DIAPH2: variants seen among roughly 807,000 people sequenced by gnomAD.
The protein encoded by DIAPH2 is diaphanous related formin 2.
A neutral mutation model predicts 92.7 loss-of-function variants in DIAPH2; 35 were observed. The observed-to-expected ratio is 0.38, with a 90% confidence interval of 0.29 to 0.50. DIAPH2 has a LOEUF of 0.50. Ranked by LOEUF, DIAPH2 falls within the 20% of genes least tolerant of loss-of-function variation. The probability of loss-of-function intolerance (pLI) is 0.94; values close to 1 mark genes in which losing one functional copy is unlikely to be tolerated. For synonymous variants in DIAPH2, 301 were observed against 280.4 expected (o/e 1.07, Z -0.73); for missense variants, 701 against 819.5 (o/e 0.86, Z 1.77).
chrX:97,473,080 C>G (rs1208051163), intron 26 of DIAPH2, among the ~76,000 whole-genome samples: 1 of 112,102 alleles, frequency 8.9e-6, no homozygotes, highest in Non-Finnish European at 1.9e-5. Flanking sequence ...CTCCTCATGC[C>G]TTGACTCTTT....
intron 4 of DIAPH2, among the ~76,000 whole-genome samples, chrX:96,780,263 T>C (rs1000884531): frequency 5.4e-5 from 6 of 111,571 alleles, no homozygotes; most frequent in Non-Finnish European, 1.1e-4. Context: ...TATAAATCAA[T>C]CCCCACTAAT....
intron 17 of DIAPH2, among the ~76,000 whole-genome samples, chrX:97,015,938 A>G: frequency 9.0e-6 from 1 of 111,478 alleles, no homozygotes; most frequent in Non-Finnish European, 1.9e-5. Flanking sequence ...TTTGGTTTTG[A>G]GCAAATTATA....
At chrX:97,289,068 G>A (rs1211806660) in intron 23 of DIAPH2, among the ~76,000 whole-genome samples, 1 of 111,729 alleles carries the variant, frequency 9.0e-6, no homozygotes, top group African/African-American at 3.3e-5. Flanking sequence ...TTGCTCAAAT[G>A]AGTTATGGAC....
intron 15 of DIAPH2, among the ~76,000 whole-genome samples, chrX:96,949,310 G>A (rs996848869): frequency 4.5e-5 from 5 of 110,828 alleles, no homozygotes; most frequent in East Asian, 5.7e-4. Context: ...TGAAATTTTC[G>A]TGATGATTTG....
rs61350837 is a variant in DIAPH2, at chrX:97,095,098, C to CTTTTTTTTTT, written c.2248-4569_2248-4560dup. Among the ~76,000 whole-genome samples the CTTTTTTTTTT allele has an allele frequency of 4.1e-3, 91 of 22,414 alleles. 32 individuals carry two copies. Among genetic ancestry groups the CTTTTTTTTTT allele is most frequent in the Non-Finnish European group, 6.4e-3 (71 of 11,110 alleles). 19.5% of individuals were successfully genotyped at this position (22,414 alleles called of 115,157 possible). A position where few individuals can be genotyped will look rare whatever the true frequency, so the allele number is the denominator to read the frequency against. On this transcript the variant is annotated intron_variant, in intron 19 of 26. Transcript: ENST00000324765. Reference sequence around the variant, plus strand: ...GACTTTTAGGGAAATGTTTCTTTTTCTTTTTTTTTTTTTTTTTTTTTTTTT... The same window carrying CTTTTTTTTTT: ...GACTTTTAGGGAAATGTTTCTTTTTCTTTTTTTTTTTTTTTTTTTTTTTTTTTTTTTTTTT...
intron 22 of DIAPH2, among the ~76,000 whole-genome samples, chrX:97,208,643 G>A (rs2067816415): frequency 8.9e-6 from 1 of 111,762 alleles, no homozygotes; most frequent in Non-Finnish European, 1.9e-5. Flanking sequence ...AGAAAGGAAT[G>A]TATAGACTTT....
intron 19 of DIAPH2, among the ~76,000 whole-genome samples, chrX:97,099,218 T>C (rs965793331): frequency 9.0e-6 from 1 of 110,571 alleles, no homozygotes; most frequent in South Asian, 3.9e-4. Flanking sequence ...TACAAAAAAT[T>C]AGCCCGGCAT....
intron 5 of DIAPH2, among the ~76,000 whole-genome samples, chrX:96,899,440 C>T (rs1434958047): frequency 3.6e-5 from 4 of 110,886 alleles, no homozygotes; most frequent in African/African-American, 1.3e-4. Flanking sequence ...AGAGGTCCTT[C>T]ACATCCCTTG....
rs1221719795 is a variant in DIAPH2, at chrX:97,300,749, G to A, written c.2845-47367G>A. Among the ~76,000 whole-genome samples, 3 of 88,095 alleles carry A rather than the reference G, an allele frequency of 3.4e-5. 1 individual carries two copies. In the Middle Eastern group the frequency reaches 0.018, roughly 531 times the overall value. 76.5% of individuals were successfully genotyped at this position (88,095 alleles called of 115,157 possible). A position where few individuals can be genotyped will look rare whatever the true frequency, so the allele number is the denominator to read the frequency against. On this transcript the variant is annotated intron_variant, in intron 23 of 26. Coordinates refer to ENST00000324765, the MANE Select transcript of DIAPH2 (RefSeq NM_006729.5). The stretch of plus-strand genomic sequence containing the variant: ...AGATTGAGACCATCCTGGCTAACAC[G>A]GTGAAACCCCGTCTCTACTAAAAAT...
At chrX:96,863,920 G>A (rs170845) in intron 4 of DIAPH2, among the ~76,000 whole-genome samples, 42,774 of 109,005 alleles carry the variant, frequency 0.39, 7,175 homozygotes, top group African/African-American at 0.64. Context: ...AAAATTAGCC[G>A]AGCATGGTGG....
intron 5 of DIAPH2, among the ~76,000 whole-genome samples, chrX:96,902,942 A>G (rs1052220402): frequency 1.8e-5 from 2 of 111,611 alleles, no homozygotes; most frequent in African/African-American, 6.5e-5. Flanking sequence ...GGTTTCAGTT[A>G]TCTTGTGCTA....
intron 17 of DIAPH2, among the ~76,000 whole-genome samples, chrX:97,022,073 A>G (rs1409894635): frequency 8.9e-6 from 1 of 112,042 alleles, no homozygotes; most frequent in Non-Finnish European, 1.9e-5. Context: ...ACTGATAGAG[A>G]GTAGGATCTA....
intron 23 of DIAPH2, among the ~76,000 whole-genome samples, chrX:97,273,937 A>G (rs1349647142): frequency 9.1e-6 from 1 of 109,917 alleles, no homozygotes; most frequent in East Asian, 2.8e-4. Context: ...AGTGGTCATC[A>G]TCATTTTCCT....
chrX:96,723,868 GT>G (rs1318803197), intron 1 of DIAPH2, among the ~76,000 whole-genome samples: 2 of 108,643 alleles, frequency 1.8e-5, no homozygotes, highest in African/African-American at 6.7e-5. Flanking sequence ...TACTGACACA[GT>G]AATGTGGGGC....
intron 22 of DIAPH2, among the ~76,000 whole-genome samples, chrX:97,179,643 C>A (rs1275545492): frequency 8.9e-6 from 1 of 111,767 alleles, no homozygotes; most frequent in Non-Finnish European, 1.9e-5. Flanking sequence ...CTTGTCTTTG[C>A]TATTGTAAAT....
chrX:96,924,738 C>T (rs188890778), intron 9 of DIAPH2, among the ~76,000 whole-genome samples: 1 of 110,725 alleles, frequency 9.0e-6, no homozygotes, highest in Non-Finnish European at 1.9e-5. Context: ...TAGTGGGAGG[C>T]GAAGGGGAAG....
At chrX:97,321,626 T>C (rs2084518380) in intron 23 of DIAPH2, among the ~76,000 whole-genome samples, 1 of 99,112 alleles carries the variant, frequency 1.0e-5, no homozygotes, top group Non-Finnish European at 2.0e-5. Flanking sequence ...CTCCGCTCAC[T>C]GCAAACTCCG....
At chrX:97,008,444 A>T (rs1229970509) in intron 17 of DIAPH2, among the ~76,000 whole-genome samples, 1 of 110,989 alleles carries the variant, frequency 9.0e-6, no homozygotes, top group Non-Finnish European at 1.9e-5. Context: ...TTTATTGAGG[A>T]TATGTTTTCC....
At chrX:97,577,258 G>A (rs1229013095) in intron 26 of DIAPH2, among the ~76,000 whole-genome samples, 2 of 112,174 alleles carry the variant, frequency 1.8e-5, no homozygotes, top group South Asian at 7.4e-4. Flanking sequence ...ATGTATATAT[G>A]GGAACAAATG....
Sources: gnomAD v4.1 joint callset for allele counts (sites outside exome capture counted in the v4.1 genomes callset) on GRCh38, gnomAD v4.1.1 for gene constraint, MANE v1.5 for transcripts, NCBI Gene and HGNC (gene_info 2026-07-23, HGNC 2026-07-21) for gene names.